FAM135A: variants seen among roughly 807,000 people sequenced by gnomAD.
FAM135A encodes the protein family with sequence similarity 135 member A, also known as protein FAM135A.
Under a neutral mutation model 146.8 loss-of-function variants are expected in FAM135A, and 79 were observed. The observed-to-expected ratio is 0.54, with a 90% CI of 0.45 to 0.65. The LOEUF (loss-of-function observed/expected upper bound fraction) is 0.65, where lower values mean the gene tolerates loss of function less well. Among genes scored for constraint, FAM135A ranks in the 30% least tolerant of loss-of-function variants. FAM135A has a pLI of 0.00. For synonymous variants in FAM135A, 562 were observed against 603.6 expected (o/e 0.93, Z 1.01); for missense variants, 1,623 against 1,758.2 (o/e 0.92, Z 1.38).
chr6:70,548,704 C>CT (rs1281971682), intron 20 of FAM135A, among the ~76,000 whole-genome samples: 7 of 150,384 alleles, frequency 4.7e-5, no homozygotes, highest in African/African-American at 1.7e-4. Context: ...ATATAGAAAT[C>CT]TTTTAAAAAT....
rs1158141814 is a variant in FAM135A, at chr6:70,414,146, C to CT, written c.-220+445dup. On this transcript the variant is annotated intron_variant, in intron 1 of 21. Coordinates refer to ENST00000418814, the MANE Select transcript of FAM135A (RefSeq NM_001162529.3). ...GGTCCCTCCTTGGGAAGCAGCGTAT[C>CT]TCTGTGCTTCCATCCCTTGCCTGGC... 24 of 631,490 alleles carry CT rather than the reference C, an allele frequency of 3.8e-5. No individual in the cohort carries two copies. In the East Asian group the frequency reaches 3.0e-3, roughly 80 times the overall value. 39.1% of individuals were successfully genotyped at this position (631,490 alleles called of 1,614,324 possible).
At chr6:70,480,877 A>G in intron 8 of FAM135A, 24 bp from the exon 9 acceptor site, 1 of 1,594,342 alleles carries the variant, frequency 6.3e-7, no homozygotes, top group Non-Finnish European at 8.5e-7. Context: ...TATGACAATA[A>G]TAATGTAATA....
At chr6:70,459,349 A>G (rs1778973090) in intron 5 of FAM135A, among the ~76,000 whole-genome samples, 1 of 152,214 alleles carries the variant, frequency 6.6e-6, no homozygotes, top group Non-Finnish European at 1.5e-5. Flanking sequence ...TGGGAATTAG[A>G]TAGTATTATA....
At chr6:70,426,987 CT>C (rs1022578146) in intron 3 of FAM135A, among the ~76,000 whole-genome samples, 2 of 152,092 alleles carry the variant, frequency 1.3e-5, no homozygotes, top group African/African-American at 4.8e-5. Flanking sequence ...GGAACAAAGG[CT>C]GTCTATGTCT....
At chr6:70,451,095 C>T (rs761654641) in intron 4 of FAM135A, among the ~76,000 whole-genome samples, 12 of 151,952 alleles carry the variant, frequency 7.9e-5, no homozygotes, top group Non-Finnish European at 1.8e-4. Flanking sequence ...ATTTTGTGGT[C>T]CCATACAAAT....
chr6:70,539,986 A>T (rs1211313375), intron 20 of FAM135A, among the ~76,000 whole-genome samples: 1 of 152,080 alleles, frequency 6.6e-6, no homozygotes, highest in Non-Finnish European at 1.5e-5. Flanking sequence ...ACAGAGTGAG[A>T]CTCCGTCTCA....
At chr6:70,526,774 C>T (rs1400697985) in intron 15 of FAM135A, 76 bp downstream of exon 15, 26 of 654,054 alleles carry the variant, frequency 4.0e-5, no homozygotes, top group Non-Finnish European at 5.1e-5. Flanking sequence ...CATACACACA[C>T]ACACACACAC....
chr6:70,506,289 G>A (rs1350726944), intron 12 of FAM135A, among the ~76,000 whole-genome samples: 1 of 152,108 alleles, frequency 6.6e-6, no homozygotes, highest in Non-Finnish European at 1.5e-5. Context: ...AATAACTCAG[G>A]CAAAGTTTTC....
Position 70,531,556 on chromosome 6 carries a change from A to G in FAM135A, c.3776-1604A>G, listed in dbSNP as rs146581337. On this transcript the variant is annotated intron_variant, in intron 16 of 21. Transcript: ENST00000418814. Reference sequence around the variant, plus strand: ...AGTCAGAATTCTGTAGGCTGAACCAATTGAGATGTCTAAGATGTCAGCTAT... The same window carrying G: ...AGTCAGAATTCTGTAGGCTGAACCAGTTGAGATGTCTAAGATGTCAGCTAT... Among the ~76,000 whole-genome samples the G allele has an allele frequency of 2.1e-4, 32 of 152,316 alleles. No homozygotes were observed. The East Asian group carries it at 4.4e-3, about 21-fold the overall frequency.
At position 70,524,395 on chromosome 6, in the gene FAM135A, T is replaced by C; in HGVS notation, c.1311T>C (p.Ser437=). The stretch of plus-strand genomic sequence containing the variant: ...AGAATCTTCAGAGATCAGAGTCCAG[T>C]AAAATGGATAAATATGAGACTGAAG... ...GIQNLQRSES[S]KMDKYETEES... is the part of the protein sequence containing the mutation. The change falls in exon 15 of 22, where the codon AGT becomes AGC. Residue 437 remains serine, a synonymous_variant. Coordinates refer to ENST00000418814, the MANE Select transcript of FAM135A (RefSeq NM_001162529.3). 2 of 1,518,784 alleles carry C rather than the reference T, an allele frequency of 1.3e-6. No individual in the cohort carries two copies. The highest frequency in any genetic ancestry group is 1.8e-6 in the Non-Finnish European group (2 of 1,138,232). The allele number at this position is 1,518,784 out of a possible 1,614,324, so 94.1% of individuals were successfully genotyped here.
In FAM135A at chr6:70,482,000, G is replaced by C; in HGVS notation, c.670-1G>C. The C allele has an allele frequency of 6.2e-7, 1 of 1,606,952 alleles. No individual in the cohort carries two copies. The highest frequency in any genetic ancestry group is 8.5e-7 in the Non-Finnish European group (1 of 1,176,760). ...GTATCCTACATCTGTTTTTTGTTTA[G>C]GGTTGTAGCTTCATCATTGCAGACT... On this transcript the variant is annotated splice_acceptor_variant, in intron 9 of 21. Coordinates refer to ENST00000418814, the MANE Select transcript of FAM135A (RefSeq NM_001162529.3). LOFTEE classifies it high-confidence loss of function.
At chr6:70,480,498 G>A (rs1783493217) in intron 8 of FAM135A, among the ~76,000 whole-genome samples, 1 of 152,024 alleles carries the variant, frequency 6.6e-6, no homozygotes, top group South Asian at 2.1e-4. Flanking sequence ...CATTTACATG[G>A]GAGCTCTTTA....
At chr6:70,453,956 T>G (rs892152062) in intron 5 of FAM135A, among the ~76,000 whole-genome samples, 1 of 152,212 alleles carries the variant, frequency 6.6e-6, no homozygotes, top group African/African-American at 2.4e-5. Context: ...TCAAACGATA[T>G]TTCTAGTTCT....
chr6:70,485,465 C>T (rs562872903), intron 10 of FAM135A, among the ~76,000 whole-genome samples: 16 of 152,020 alleles, frequency 1.1e-4, no homozygotes, highest in African/African-American at 3.4e-4. Context: ...TATTTTTATT[C>T]TAGCAAAATA....
Position 70,433,436 on chromosome 6 carries a change from C to T in FAM135A, c.77+5017C>T, listed in dbSNP as rs141808024. 5.6e-3 allele frequency among the ~76,000 whole-genome samples: 858 copies of T among 152,062 alleles called. 3 individuals are homozygous for T. The highest frequency in any genetic ancestry group is 8.2e-3 in the Non-Finnish European group (559 of 67,992). On this transcript the variant is annotated intron_variant, in intron 4 of 21. Coordinates refer to ENST00000418814, the MANE Select transcript of FAM135A (RefSeq NM_001162529.3). Reference sequence around the variant, plus strand: ...ATAATAGGCCCAGACAAATGAAAACCAGGATGGCTTCAGGCAAACCAGGAC... The same window carrying T: ...ATAATAGGCCCAGACAAATGAAAACTAGGATGGCTTCAGGCAAACCAGGAC...
chr6:70,527,277 G>A (rs1258307537), intron 15 of FAM135A, among the ~76,000 whole-genome samples: 2 of 152,036 alleles, frequency 1.3e-5, no homozygotes. Context: ...CGATGATACA[G>A]GTTTACCAGC....
At chr6:70,416,591 G>GT (rs1767628383) in intron 2 of FAM135A, among the ~76,000 whole-genome samples, 2 of 152,026 alleles carry the variant, frequency 1.3e-5, no homozygotes, top group Admixed American at 1.3e-4. Flanking sequence ...GATTTGAAGT[G>GT]TTTTTTCATG....
At chr6:70,539,512 C>T (rs1797446683) in intron 20 of FAM135A, among the ~76,000 whole-genome samples, 1 of 152,166 alleles carries the variant, frequency 6.6e-6, no homozygotes, top group African/African-American at 2.4e-5. Context: ...GCTATAGAAG[C>T]TCAGTTCGTC....
intron 16 of FAM135A, among the ~76,000 whole-genome samples, chr6:70,532,379 GTTAA>G (rs1278349026): frequency 1.5e-4 from 22 of 151,376 alleles, no homozygotes; most frequent in Non-Finnish European, 1.5e-5. Context: ...TGCCTTTTGA[GTTAA>G]TTATTATTAA....
Sources: allele counts gnomAD v4.1 joint callset (sites outside exome capture counted in the v4.1 genomes callset), GRCh38; gene constraint gnomAD v4.1.1; transcripts MANE v1.5; gene names NCBI Gene and HGNC (gene_info 2026-07-23, HGNC 2026-07-21).